LAP3: variants seen among roughly 807,000 people sequenced by gnomAD.
LAP3 encodes leucine aminopeptidase 3.
In LAP3, 46 loss-of-function variants were observed where a neutral mutation model predicts 58.8. The observed-to-expected ratio is 0.78, with a 90% CI of 0.62 to 1.00. The LOEUF is 1.00. LAP3 is among the 50% of genes least tolerant of loss of function. The pLI is 0.00. For synonymous variants in LAP3, 257 were observed against 237.7 expected, an observed-to-expected ratio of 1.08 and a Z score of -0.75; for missense variants, 615 against 659.1, an observed-to-expected ratio of 0.93 and a Z score of 0.73.
chr4:17,595,952 A>T (rs1316409021), intron 8 of LAP3, among the ~76,000 whole-genome samples: 1 of 152,134 alleles, frequency 6.6e-6, no homozygotes, highest in Non-Finnish European at 1.5e-5. Flanking sequence ...ATTATGTGGC[A>T]GTTCTTAGTA....
intron 3 of LAP3, 36 bp downstream of exon 3, chr4:17,581,850 A>C (rs745629647): frequency 6.5e-7 from 1 of 1,530,192 alleles, no homozygotes; most frequent in Non-Finnish European, 9.1e-7. Flanking sequence ...TAAACCCTCA[A>C]TGAGCATCTA....
intron 10 of LAP3, among the ~76,000 whole-genome samples, chr4:17,599,819 G>A (rs948854562): frequency 2.6e-5 from 4 of 151,898 alleles, no homozygotes; most frequent in Admixed American, 6.6e-5. Context: ...TGAAGCCAGC[G>A]CTTTAAGGCC....
chr4:17,604,270 CA>C (rs1188734524), intron 10 of LAP3, among the ~76,000 whole-genome samples: 4,582 of 51,056 alleles, frequency 0.09, 130 homozygotes, highest in African/African-American at 0.23. Context: ...AGACCTTTCT[CA>C]AAAAAAAAAA....
At chr4:17,580,108 G>A (rs1389266775) in intron 2 of LAP3, among the ~76,000 whole-genome samples, 169 bp downstream of exon 2, 1 of 133,134 alleles carries the variant, frequency 7.5e-6, no homozygotes, top group African/African-American at 2.9e-5. Context: ...GGTGGTTCTC[G>A]TGCCTCAGAC....
intron 11 of LAP3, among the ~76,000 whole-genome samples, chr4:17,605,324 C>A (rs1714098631): frequency 6.6e-6 from 1 of 152,298 alleles, no homozygotes; most frequent in African/African-American, 2.4e-5. Flanking sequence ...CGTGTTTGTT[C>A]CCTTTGGCCG....
In LAP3 at chr4:17,581,745, T is replaced by G. The variant is rs772588926; in HGVS notation, c.219-15T>G. On this transcript the variant is annotated splice_polypyrimidine_tract_variant and intron_variant, in intron 2 of 12. Transcript: ENST00000226299. ...AAAATACTTGTTTTAAAACGACTAT[T>G]TCCTCTTGTTTTAGATCTGGACCAC... The G allele has an allele frequency of 6.2e-7, 1 of 1,610,690 alleles. No individual in the cohort carries two copies. The highest frequency in any genetic ancestry group is 8.5e-7 in the Non-Finnish European group (1 of 1,177,438).
intron 10 of LAP3, among the ~76,000 whole-genome samples, chr4:17,602,400 TTC>T (rs1714003066): frequency 6.6e-6 from 1 of 152,230 alleles, no homozygotes; most frequent in African/African-American, 2.4e-5. Flanking sequence ...TGATTGTCTC[TTC>T]TCAAGAGGAC....
chr4:17,604,270 CAAAAAAA>C (rs1188734524), intron 10 of LAP3, among the ~76,000 whole-genome samples: 1 of 51,104 alleles, frequency 2.0e-5, no homozygotes, highest in South Asian at 8.1e-4. Context: ...AGACCTTTCT[CAAAAAAA>C]AAAAAAAAAA....
At chr4:17,597,726 C>T (rs1334744247) in intron 9 of LAP3, among the ~76,000 whole-genome samples, 3 of 152,182 alleles carry the variant, frequency 2.0e-5, no homozygotes, top group African/African-American at 7.2e-5. Context: ...GGCGGCAAAG[C>T]AGTAAAATTG....
intron 8 of LAP3, 91 bp from the exon 9 acceptor site, chr4:17,596,955 C>A: frequency 8.7e-7 from 1 of 1,144,546 alleles, no homozygotes; most frequent in Non-Finnish European, 1.3e-6. Context: ...TTGTGTCTTG[C>A]TTCTCATGGC....
chr4:17,579,906 T>C lies in LAP3; in HGVS notation c.185T>C (p.Leu62Ser). 6.2e-7 allele frequency: 1 copy of C among 1,611,568 alleles called. No individual in the cohort carries two copies. Among genetic ancestry groups the C allele is most frequent in the Non-Finnish European group, 8.5e-7 (1 of 1,178,274 alleles). The change falls in exon 2 of 13, where the codon TTG becomes TCG. Residue 62 changes from leucine (L) to serine (S), a missense_variant. Coordinates refer to ENST00000226299, the MANE Select transcript of LAP3 (RefSeq NM_015907.3). ...AGTGCAGGAGAGAATTTTGATAAATTGTTAGCTGGAAAGCTGAGAGAGACT... is the reference window on the plus strand; with the variant it reads ...AGTGCAGGAGAGAATTTTGATAAATCGTTAGCTGGAAAGCTGAGAGAGACT... ...FTSAGENFDK[L>S]LAGKLRETLN...
chr4:17,597,836 G>T (rs1297793153), intron 9 of LAP3, among the ~76,000 whole-genome samples: 2 of 152,190 alleles, frequency 1.3e-5, no homozygotes, highest in African/African-American at 2.4e-5. Flanking sequence ...CTGCACTGAA[G>T]GGGATGTGGC....
In LAP3 at chr4:17,607,730, C is replaced by T; in HGVS notation, c.*141C>T. The T allele has an allele frequency of 1.7e-6, 1 of 589,510 alleles. No homozygotes were observed. Among genetic ancestry groups the T allele is most frequent in the Non-Finnish European group, 2.8e-6 (1 of 362,282 alleles). 36.5% of individuals were successfully genotyped at this position (589,510 alleles called of 1,614,324 possible). On this transcript the variant is annotated 3_prime_UTR_variant, in exon 13 of 13. Coordinates refer to ENST00000226299, the MANE Select transcript of LAP3 (RefSeq NM_015907.3). ...GTAGAACACAATGAAATTTGTATGC[C>T]TTGATTTTTTTTTCATTTCACACAA...
intron 6 of LAP3, chr4:17,586,204 G>A (rs1407046887): frequency 6.6e-6 from 1 of 152,194 alleles, no homozygotes; most frequent in East Asian, 1.9e-4. Flanking sequence ...CCAACTCTGA[G>A]CATTTGGGAA....
chr4:17,584,300 T>G (rs1336723663), intron 5 of LAP3, among the ~76,000 whole-genome samples: 1 of 152,184 alleles, frequency 6.6e-6, no homozygotes, highest in East Asian at 1.9e-4. Flanking sequence ...TTACTAGAGT[T>G]GTAATACCGA....
chr4:17,591,564 A>G (rs1220888994), intron 7 of LAP3, among the ~76,000 whole-genome samples: 1 of 152,208 alleles, frequency 6.6e-6, no homozygotes, highest in African/African-American at 2.4e-5. Context: ...CTAAACCCAA[A>G]GCCTTCTTTG....
chr4:17,604,565 A>T, intron 10 of LAP3, 23 bp from the exon 11 acceptor site: 1 of 1,607,792 alleles, frequency 6.2e-7, no homozygotes, highest in Non-Finnish European at 8.5e-7. Context: ...ACTGCACGTG[A>T]CCTGAGGGCT....
chr4:17,589,573 G>A (rs1402025261), intron 7 of LAP3, among the ~76,000 whole-genome samples: 2 of 152,124 alleles, frequency 1.3e-5, no homozygotes, highest in Non-Finnish European at 2.9e-5. Flanking sequence ...TTTGTTCAAA[G>A]TCCTATAACT....
intron 2 of LAP3, among the ~76,000 whole-genome samples, chr4:17,580,750 A>C (rs1560341023): frequency 6.6e-6 from 1 of 152,194 alleles, no homozygotes; most frequent in East Asian, 1.9e-4. Flanking sequence ...TCACCTGAGG[A>C]TATAGTTAAA....
Sources: allele counts gnomAD v4.1 joint callset (sites outside exome capture counted in the v4.1 genomes callset), GRCh38; gene constraint gnomAD v4.1.1; transcripts MANE v1.5; gene names NCBI Gene and HGNC (gene_info 2026-07-23, HGNC 2026-07-21).